Variants in EYA2 observed in about 807,000 individuals in gnomAD.
EYA2 encodes the protein protein phosphatase EYA2.
A neutral mutation model predicts 69.2 loss-of-function variants in EYA2; 31 were observed. The ratio of observed to expected loss-of-function variants is 0.45; its 90% CI spans 0.34 to 0.60. The LOEUF is 0.60. EYA2 is among the 20% of genes least tolerant of loss of function. EYA2 has a pLI of 0.02. For synonymous variants in EYA2, 257 were observed against 279.4 expected (o/e 0.92, Z 0.80); for missense variants, 622 against 701.2 (o/e 0.89, Z 1.28).
chr20:47,150,821 G>A (rs1301538943), intron 10 of EYA2, among the ~76,000 whole-genome samples: 1 of 151,946 alleles, frequency 6.6e-6, no homozygotes, highest in Non-Finnish European at 1.5e-5. Context: ...ACCACCCAGC[G>A]GTTGCAGTTC....
intron 7 of EYA2, among the ~76,000 whole-genome samples, chr20:47,088,114 A>G (rs1178503194): frequency 6.6e-6 from 1 of 152,208 alleles, no homozygotes; most frequent in African/African-American, 2.4e-5. Flanking sequence ...GGGTGCCTAT[A>G]ATCCCAGCTA....
chr20:47,153,681 G>T (rs897005807), intron 10 of EYA2, among the ~76,000 whole-genome samples: 1 of 151,782 alleles, frequency 6.6e-6, no homozygotes, highest in Non-Finnish European at 1.5e-5. Context: ...TGAGAAGTTA[G>T]TGAAAGTGGG....
chr20:46,927,028 A>G (rs1568670099), intron 1 of EYA2, among the ~76,000 whole-genome samples: 1 of 152,166 alleles, frequency 6.6e-6, no homozygotes, highest in Non-Finnish European at 1.5e-5. Context: ...GTGCTGTGTC[A>G]TGGGCAAGGA....
intron 1 of EYA2, among the ~76,000 whole-genome samples, chr20:46,934,785 GC>G (rs1157827494): frequency 6.6e-6 from 1 of 152,192 alleles, no homozygotes. Context: ...ATGAGCAAAG[GC>G]CCAGAGGGAG....
At chr20:46,966,219 T>G (rs1343035397) in intron 1 of EYA2, among the ~76,000 whole-genome samples, 1 of 152,160 alleles carries the variant, frequency 6.6e-6, no homozygotes. Flanking sequence ...GCTCCTGGGT[T>G]CACGTGATCC....
chr20:47,043,565 C>A (rs1162266778), intron 5 of EYA2, among the ~76,000 whole-genome samples: 2 of 152,186 alleles, frequency 1.3e-5, no homozygotes, highest in Non-Finnish European at 2.9e-5. Context: ...TCATTTATGA[C>A]CTGGCCTAAC....
At chr20:47,023,520 C>T (rs941572773) in intron 5 of EYA2, among the ~76,000 whole-genome samples, 2 of 152,104 alleles carry the variant, frequency 1.3e-5, no homozygotes, top group African/African-American at 4.8e-5. Context: ...CACTACCTCC[C>T]ACTCCAAGTT....
chr20:47,154,859 G>GTGTGTGTT (rs35016620), intron 10 of EYA2, among the ~76,000 whole-genome samples: 6 of 144,312 alleles, frequency 4.2e-5, no homozygotes, highest in African/African-American at 5.1e-5. Context: ...GTGTGTGTGT[G>GTGTGTGTT]TTTTGAGATG....
chr20:46,896,724 C>A (rs1983829931), intron 1 of EYA2, among the ~76,000 whole-genome samples: 1 of 152,178 alleles, frequency 6.6e-6, no homozygotes, highest in Admixed American at 6.5e-5. Context: ...TTAACTTTTG[C>A]CATTGTGAAA....
chr20:47,036,320 A>G (rs945832987), intron 5 of EYA2, among the ~76,000 whole-genome samples: 1 of 152,228 alleles, frequency 6.6e-6, no homozygotes, highest in African/African-American at 2.4e-5. Context: ...AAATAGCCAA[A>G]GTTCGCGCAA....
chr20:47,020,466 C>G (rs1042101397), intron 5 of EYA2, among the ~76,000 whole-genome samples: 1 of 151,170 alleles, frequency 6.6e-6, no homozygotes. Context: ...TGTTTATTTT[C>G]TTTATTTTAA....
intron 1 of EYA2, among the ~76,000 whole-genome samples, chr20:46,898,423 A>ACACACACACACACC (rs1491508595): frequency 7.0e-6 from 1 of 142,432 alleles, no homozygotes; most frequent in Non-Finnish European, 1.5e-5. Context: ...ACACACACAC[A>ACACACACACACACC]CCACAATTCT....
At chr20:47,113,046 A>G (rs2032793809) in intron 9 of EYA2, among the ~76,000 whole-genome samples, 2 of 151,054 alleles carry the variant, frequency 1.3e-5, no homozygotes, top group South Asian at 4.2e-4. Flanking sequence ...TAATTTTTGT[A>G]TTTTTAGTAG....
At position 46,999,356 on chromosome 20, in the gene EYA2, G is replaced by A. The variant is rs576836656; in HGVS notation, c.110-2072G>A. Among the ~76,000 whole-genome samples, 8 of 152,268 alleles carry A rather than the reference G, an allele frequency of 5.3e-5. No individual in the cohort carries two copies. The South Asian group carries it at 6.2e-4, about 12-fold the overall frequency. ...GGAGTGATGGGGTACAGGACACCCC[G>A]CCTAGGAGCAAACCCAGGGTAGGGA... On this transcript the variant is annotated intron_variant, in intron 2 of 15. Transcript: ENST00000327619.
At chr20:47,127,196 CTG>C (rs1178745458) in intron 9 of EYA2, among the ~76,000 whole-genome samples, 1 of 152,108 alleles carries the variant, frequency 6.6e-6, no homozygotes, top group Non-Finnish European at 1.5e-5. Flanking sequence ...GTGCCACTAA[CTG>C]TTCTCAACTG....
At chr20:47,104,530 C>G (rs1353309629) in intron 9 of EYA2, among the ~76,000 whole-genome samples, 1 of 152,124 alleles carries the variant, frequency 6.6e-6, no homozygotes, top group Non-Finnish European at 1.5e-5. Flanking sequence ...GAGATTTACT[C>G]CTGCACTTTT....
At chr20:46,897,034 C>T (rs1983847547) in intron 1 of EYA2, among the ~76,000 whole-genome samples, 1 of 151,964 alleles carries the variant, frequency 6.6e-6, no homozygotes, top group Non-Finnish European at 1.5e-5. Context: ...GTTTTCATCA[C>T]GTAAGTTTTA....
At chr20:47,113,321 C>A (rs1264583188) in intron 9 of EYA2, among the ~76,000 whole-genome samples, 2 of 152,104 alleles carry the variant, frequency 1.3e-5, no homozygotes, top group African/African-American at 4.8e-5. Flanking sequence ...TGAGGTGGCA[C>A]CTTTAGGCCT....
intron 1 of EYA2, among the ~76,000 whole-genome samples, chr20:46,922,233 A>G (rs1985210376): frequency 6.6e-6 from 1 of 152,216 alleles, no homozygotes. Flanking sequence ...TGAACAACCC[A>G]AGCAAGGTCA....
Sources: gnomAD v4.1 joint callset for allele counts (sites outside exome capture counted in the v4.1 genomes callset) on GRCh38, gnomAD v4.1.1 for gene constraint, MANE v1.5 for transcripts, NCBI Gene and HGNC (gene_info 2026-07-23, HGNC 2026-07-21) for gene names.